Variants in CUX2 observed in about 807,000 individuals in gnomAD.
The protein encoded by CUX2 is cut like homeobox 2, also known as homeobox protein cut-like 2.
Under a neutral mutation model 144.8 loss-of-function variants are expected in CUX2, and 40 were observed. The ratio of observed to expected loss-of-function variants is 0.28; its 90% CI spans 0.21 to 0.36. The LOEUF (loss-of-function observed/expected upper bound fraction) is 0.36. Among genes scored for constraint, CUX2 ranks in the 10% least tolerant of loss-of-function variants. The probability of loss-of-function intolerance (pLI) is 1.00; values close to 1 mark genes in which losing one functional copy is unlikely to be tolerated. For synonymous variants in CUX2, 827 were observed against 875.6 expected, an observed-to-expected ratio of 0.94 and a Z score of 0.98; for missense variants, 1,615 against 1,994.0, an observed-to-expected ratio of 0.81 and a Z score of 3.62.
intron 1 of CUX2, among the ~76,000 whole-genome samples, chr12:111,094,287 G>A (rs1872699738): frequency 2.6e-5 from 4 of 152,226 alleles, no homozygotes; most frequent in African/African-American, 7.2e-5. Flanking sequence ...GGCTGGGCCC[G>A]GTGTGAGCAG....
chr12:111,214,685 C>G (rs1881433218), intron 2 of CUX2, among the ~76,000 whole-genome samples: 1 of 152,210 alleles, frequency 6.6e-6, no homozygotes, highest in Admixed American at 6.5e-5. Flanking sequence ...CGTCGACTCT[C>G]TAACACCCTC....
chr12:111,181,750 T>C (rs1456971756), intron 1 of CUX2, among the ~76,000 whole-genome samples: 1 of 152,220 alleles, frequency 6.6e-6, no homozygotes, highest in African/African-American at 2.4e-5. Context: ...AGACAAAGAT[T>C]CTGTTCTCTC....
intron 1 of CUX2, among the ~76,000 whole-genome samples, chr12:111,079,291 G>A (rs944996488): frequency 1.3e-5 from 2 of 152,208 alleles, no homozygotes; most frequent in African/African-American, 4.8e-5. Flanking sequence ...TTCTCCTCTG[G>A]TAGCCTCTGA....
chr12:111,261,560 T>C (rs1884129478), intron 3 of CUX2, among the ~76,000 whole-genome samples: 1 of 152,088 alleles, frequency 6.6e-6, no homozygotes. Flanking sequence ...CCCACTCAAT[T>C]GCATGTCCCC....
chr12:111,103,569 C>A (rs1416859867), intron 1 of CUX2, among the ~76,000 whole-genome samples: 1 of 152,052 alleles, frequency 6.6e-6, no homozygotes, highest in African/African-American at 2.4e-5. Flanking sequence ...CTGTTGGGGC[C>A]AAGTGAAAGA....
rs955925798 is a variant in CUX2, at chr12:111,346,344, C to T, written c.3660-1180C>T. On this transcript the variant is annotated intron_variant, in intron 21 of 21. Coordinates refer to ENST00000261726, the MANE Select transcript of CUX2 (RefSeq NM_015267.4). ...TACAAAAATTAGCCTGGCATGATGG[C>T]GCCCACCAGTAATCCCAGTTGCTCG... Among the ~76,000 whole-genome samples, 7 of 151,436 alleles carry T rather than the reference C, an allele frequency of 4.6e-5. No homozygotes were observed. The South Asian group carries it at 8.4e-4, about 18-fold the overall frequency.
chr12:111,218,018 G>T lies in CUX2; in HGVS notation c.222+81G>T. The T allele has an allele frequency of 2.0e-6, 3 of 1,482,740 alleles. No individual in the cohort carries two copies. The South Asian group carries it at 3.4e-5, about 17-fold the overall frequency. The allele number at this position is 1,482,740 out of a possible 1,614,324, so 91.8% of individuals were successfully genotyped here. A position where few individuals can be genotyped will look rare whatever the true frequency, so the allele number is the denominator to read the frequency against. ...TATCCCACCTAGAGTTGCCCAGGGGGGCCAGCAGCCTCCAGAAGCTTTGGA... is the reference window on the plus strand; with the variant it reads ...TATCCCACCTAGAGTTGCCCAGGGGTGCCAGCAGCCTCCAGAAGCTTTGGA... On this transcript the variant is annotated intron_variant, in intron 3 of 21. Coordinates refer to ENST00000261726, the MANE Select transcript of CUX2 (RefSeq NM_015267.4).
intron 4 of CUX2, chr12:111,270,246 A>T (rs1260687890): frequency 1.3e-5 from 2 of 152,086 alleles, no homozygotes; most frequent in Non-Finnish European, 2.9e-5. Context: ...TATTTGTCGA[A>T]ATACTCCTCC....
intron 3 of CUX2, among the ~76,000 whole-genome samples, chr12:111,228,742 A>G (rs1467576168): frequency 6.6e-6 from 1 of 151,974 alleles, no homozygotes; most frequent in Non-Finnish European, 1.5e-5. Flanking sequence ...TATGTTTTTT[A>G]TTGCATTTGG....
Position 111,171,861 on chromosome 12 carries a change from C to T in CUX2, c.64-42339C>T, listed in dbSNP as rs1878541808. ...CAGATATGTGGGTCCTGGGCCTTAC[C>T]TGTACCAAATAAATAACCCATTTCC... On this transcript the variant is annotated intron_variant, in intron 1 of 21. Transcript: ENST00000261726. This position sits in a 1 kb window ranked among gnomAD's most constrained non-coding sequence, Gnocchi z 5.0. Among the ~76,000 whole-genome samples the T allele has an allele frequency of 6.6e-6, 1 of 152,222 alleles. No individual in the cohort carries two copies. The highest frequency in any genetic ancestry group is 1.5e-5 in the Non-Finnish European group (1 of 68,048).
chr12:111,345,765 AG>A (rs978247864), intron 21 of CUX2, among the ~76,000 whole-genome samples: 5 of 151,762 alleles, frequency 3.3e-5, no homozygotes, highest in African/African-American at 1.2e-4. Context: ...TTCACGAAAA[AG>A]AAAAAAAAAG....
rs1193237227 is a variant in CUX2 at position 111,081,851 on chromosome 12, T to G, written c.63+47611T>G. Among the ~76,000 whole-genome samples the G allele has an allele frequency of 2.0e-5, 3 of 152,260 alleles. No homozygotes were observed. In the South Asian group the frequency reaches 6.2e-4, roughly 32 times the overall value. On this transcript the variant is annotated intron_variant, in intron 1 of 21. Coordinates refer to ENST00000261726, the MANE Select transcript of CUX2 (RefSeq NM_015267.4). Reference sequence around the variant, plus strand: ...GAGCTTCCGCCTGCTGGTGACTGCATCTCTGTTTTTTTTCCAAAACTGTAA... The same window carrying G: ...GAGCTTCCGCCTGCTGGTGACTGCAGCTCTGTTTTTTTTCCAAAACTGTAA...
intron 1 of CUX2, among the ~76,000 whole-genome samples, chr12:111,047,186 G>A (rs1330166830): frequency 1.3e-5 from 2 of 152,196 alleles, no homozygotes; most frequent in African/African-American, 4.8e-5. Context: ...CCTGCATTCC[G>A]CGAGATGGAA....
At position 111,183,655 on chromosome 12, in the gene CUX2, G is replaced by A. The variant is rs150935893; in HGVS notation, c.64-30545G>A. 2.4e-4 allele frequency among the ~76,000 whole-genome samples: 36 copies of A among 152,286 alleles called. No homozygotes were observed. The East Asian group carries it at 4.4e-3, about 19-fold the overall frequency. On this transcript the variant is annotated intron_variant, in intron 1 of 21. Transcript: ENST00000261726. Reference sequence around the variant, plus strand: ...GGCAAGTGACTAAACCTCTCTGGGCGTCACTTCTCCATCCTGCAGGTAGGG... The same window carrying A: ...GGCAAGTGACTAAACCTCTCTGGGCATCACTTCTCCATCCTGCAGGTAGGG...
chr12:111,065,616 A>G (rs1048183503), intron 1 of CUX2, among the ~76,000 whole-genome samples: 2 of 152,254 alleles, frequency 1.3e-5, no homozygotes, highest in African/African-American at 2.4e-5. Flanking sequence ...GATTATAGGC[A>G]TGAGCCACCG....
chr12:111,053,571 C>T (rs1455061467), intron 1 of CUX2, among the ~76,000 whole-genome samples: 4 of 152,244 alleles, frequency 2.6e-5, no homozygotes, highest in African/African-American at 9.6e-5. Context: ...ATACTCCTCA[C>T]ACTTCCCAGC....
At chr12:111,220,938 A>G (rs953238306) in intron 3 of CUX2, among the ~76,000 whole-genome samples, 6 of 63,770 alleles carry the variant, frequency 9.4e-5, no homozygotes, top group Non-Finnish European at 1.3e-4. Context: ...CTGGTCTCTT[A>G]AAAAAAAAAA....
intron 1 of CUX2, among the ~76,000 whole-genome samples, chr12:111,153,170 G>T (rs1016302714): frequency 2.8e-4 from 42 of 152,160 alleles, no homozygotes; most frequent in Non-Finnish European, 5.0e-4. Flanking sequence ...CTTCCAAACC[G>T]CAATGTATGA....
chr12:111,156,985 CAAAAAAA>C (rs1200398908), intron 1 of CUX2, among the ~76,000 whole-genome samples: 54 of 18,994 alleles, frequency 2.8e-3, no homozygotes, highest in South Asian at 0.027. Flanking sequence ...AAACTTCTCT[CAAAAAAA>C]AAAAAAAAAA....
Sources: allele counts gnomAD v4.1 joint callset (sites outside exome capture counted in the v4.1 genomes callset), GRCh38; gene constraint gnomAD v4.1.1; non-coding constraint Gnocchi (gnomAD v3.1); transcripts MANE v1.5; gene names NCBI Gene and HGNC (gene_info 2026-07-23, HGNC 2026-07-21).